BNC2: variants seen among roughly 807,000 people sequenced by gnomAD.
BNC2 encodes the protein basonuclin zinc finger protein 2.
BNC2 carries 20 observed loss-of-function variants against 76.3 expected under a neutral mutation model. The observed-to-expected ratio is 0.26, with a 90% CI of 0.18 to 0.38. The LOEUF is 0.38. BNC2 is among the 10% of genes least tolerant of loss of function. The pLI is 1.00. For synonymous variants in BNC2, 582 were observed against 514.8 expected, an observed-to-expected ratio of 1.13 and a Z score of -1.77; for missense variants, 1,382 against 1,399.8, an observed-to-expected ratio of 0.99 and a Z score of 0.20.
intron 1 of BNC2, among the ~76,000 whole-genome samples, chr9:16,789,169 G>A (rs867239517): frequency 8.5e-5 from 13 of 152,130 alleles, no homozygotes; most frequent in African/African-American, 3.1e-4. Context: ...GATATTTTGA[G>A]AAACACAAAA....
At chr9:16,577,298 T>C (rs566133299) in intron 4 of BNC2, among the ~76,000 whole-genome samples, 1 of 151,536 alleles carries the variant, frequency 6.6e-6, no homozygotes, top group Non-Finnish European at 1.5e-5. Flanking sequence ...ATAAGACATA[T>C]CAAGTACAAG....
At chr9:16,606,732 AT>A (rs773173112) in intron 3 of BNC2, among the ~76,000 whole-genome samples, 37 of 152,056 alleles carry the variant, frequency 2.4e-4, no homozygotes, top group Admixed American at 7.9e-4. Flanking sequence ...TAACTTTTGT[AT>A]TTTTAGCAGA....
chr9:16,427,496 G>C (rs530236688), intron 6 of BNC2, among the ~76,000 whole-genome samples: 5 of 152,226 alleles, frequency 3.3e-5, no homozygotes, highest in African/African-American at 7.2e-5. Context: ...TAATTACTTC[G>C]TAATGTTTTA....
chr9:16,521,100 T>A (rs112292770), intron 5 of BNC2, among the ~76,000 whole-genome samples: 2 of 152,096 alleles, frequency 1.3e-5, no homozygotes, highest in Non-Finnish European at 2.9e-5. Flanking sequence ...AAAAAAGTGA[T>A]AAAGAGACAG....
At position 16,523,491 on chromosome 9, in the gene BNC2, A is replaced by AC. The variant is rs1482172148; in HGVS notation, c.669+29038_669+29039insG. Among the ~76,000 whole-genome samples, 842 of 90,158 alleles carry AC rather than the reference A, an allele frequency of 9.3e-3. 16 individuals carry two copies. The highest frequency in any genetic ancestry group is 0.041 in the African/African-American group (798 of 19,260). 59.1% of individuals were successfully genotyped at this position (90,158 alleles called of 152,430 possible). A position where few individuals can be genotyped will look rare whatever the true frequency, so the allele number is the denominator to read the frequency against. On this transcript the variant is annotated intron_variant, in intron 5 of 6. Coordinates refer to ENST00000380672, the MANE Select transcript of BNC2 (RefSeq NM_017637.6). ...GTCTCAAAACAAAAAAAAAAAACAA[A>AC]ACAAAAAAAAACAATTAATGTCAGG...
At chr9:16,619,794 C>T (rs745822477) in intron 3 of BNC2, among the ~76,000 whole-genome samples, 1 of 152,094 alleles carries the variant, frequency 6.6e-6, no homozygotes, top group Non-Finnish European at 1.5e-5. Flanking sequence ...TCTAAGGGCA[C>T]TGTATAGATC....
intron 5 of BNC2, among the ~76,000 whole-genome samples, chr9:16,492,784 C>A (rs889676811): frequency 6.7e-6 from 1 of 149,596 alleles, no homozygotes; most frequent in African/African-American, 2.5e-5. Flanking sequence ...GAGTAGTAAG[C>A]ATCATTACAA....
intron 5 of BNC2, among the ~76,000 whole-genome samples, chr9:16,441,746 T>C (rs1487341597): frequency 6.6e-6 from 1 of 152,214 alleles, no homozygotes; most frequent in African/African-American, 2.4e-5. Flanking sequence ...ACTAAAGGCA[T>C]GATACATTTT....
At chr9:16,460,630 A>C (rs1821558081) in intron 5 of BNC2, among the ~76,000 whole-genome samples, 1 of 152,164 alleles carries the variant, frequency 6.6e-6, no homozygotes, top group South Asian at 2.1e-4. Flanking sequence ...CAAAAAACCC[A>C]AACCAAAACA....
intron 1 of BNC2, among the ~76,000 whole-genome samples, chr9:16,841,056 G>A (rs370193496): frequency 2.0e-5 from 3 of 152,016 alleles, no homozygotes; most frequent in Non-Finnish European, 2.9e-5. Context: ...TCTACTTCAC[G>A]GGCAGAAATG....
intron 5 of BNC2, among the ~76,000 whole-genome samples, chr9:16,484,393 T>C (rs966644557): frequency 1.2e-4 from 18 of 152,218 alleles, no homozygotes; most frequent in Admixed American, 5.2e-4. Flanking sequence ...ACTGTGCTTA[T>C]AGATAAAACA....
At chr9:16,685,706 G>C (rs1323631387) in intron 3 of BNC2, 30 of 1,020,522 alleles carry the variant, frequency 2.9e-5, no homozygotes, top group South Asian at 5.3e-5. Flanking sequence ...GACCCAGGCA[G>C]AGAGAGGAAA....
At chr9:16,506,513 CTTTTTTTTTTTTTTTT>C (rs568955982) in intron 5 of BNC2, among the ~76,000 whole-genome samples, 19 of 43,312 alleles carry the variant, frequency 4.4e-4, no homozygotes, top group South Asian at 8.2e-4. Context: ...TCTCTCTCCT[CTTTTTTTTTTTTTTTT>C]TTTTTTTTTT....
At chr9:16,549,609 A>G (rs1257906352) in intron 5 of BNC2, among the ~76,000 whole-genome samples, 7 of 152,240 alleles carry the variant, frequency 4.6e-5, no homozygotes, top group African/African-American at 1.4e-4. Context: ...TCATTACCAC[A>G]TACAATCTTT....
intron 3 of BNC2, among the ~76,000 whole-genome samples, chr9:16,609,746 C>A (rs975047538): frequency 2.0e-5 from 3 of 152,132 alleles, no homozygotes; most frequent in Non-Finnish European, 4.4e-5. Context: ...TGCTGGACTT[C>A]CAGAAAGATC....
At chr9:16,722,840 C>G (rs1423932797) in intron 3 of BNC2, among the ~76,000 whole-genome samples, 1 of 152,146 alleles carries the variant, frequency 6.6e-6, no homozygotes, top group Non-Finnish European at 1.5e-5. Context: ...GACGGTATCT[C>G]TTATGTGAAG....
chr9:16,869,677 AC>A (rs1211404214), intron 1 of BNC2, among the ~76,000 whole-genome samples: 2 of 152,216 alleles, frequency 1.3e-5, no homozygotes, highest in Admixed American at 1.3e-4. Context: ...CCCATTTCTA[AC>A]AAATCACTTC....
chr9:16,440,677 A>G (rs896472006), intron 5 of BNC2, among the ~76,000 whole-genome samples: 1 of 152,146 alleles, frequency 6.6e-6, no homozygotes, highest in East Asian at 1.9e-4. Context: ...TACAGTACAG[A>G]GCAGTCCCAT....
chr9:16,512,484 G>GCACACACA (rs113858472), intron 5 of BNC2, among the ~76,000 whole-genome samples: 4 of 149,162 alleles, frequency 2.7e-5, no homozygotes, highest in African/African-American at 9.8e-5. Context: ...TAACACACGC[G>GCACACACA]CACACACACA....
Sources: allele counts gnomAD v4.1 joint callset (sites outside exome capture counted in the v4.1 genomes callset), GRCh38; gene constraint gnomAD v4.1.1; transcripts MANE v1.5; gene names NCBI Gene and HGNC (gene_info 2026-07-23, HGNC 2026-07-21).